Variants in LRRC4C observed in about 807,000 individuals in gnomAD.
LRRC4C encodes leucine rich repeat containing 4C, also known as leucine-rich repeat-containing protein 4C.
LRRC4C carries 5 observed loss-of-function variants against 33.6 expected under a neutral mutation model. That is an observed-to-expected ratio of 0.15 (90% CI 0.08 to 0.31). The LOEUF (loss-of-function observed/expected upper bound fraction) is 0.31. Among genes scored for constraint, LRRC4C ranks in the 10% least tolerant of loss-of-function variants. The pLI is 1.00. For synonymous variants in LRRC4C, 329 were observed against 302.0 expected, an observed-to-expected ratio of 1.09 and a Z score of -0.93; for missense variants, 560 against 796.7, an observed-to-expected ratio of 0.70 and a Z score of 3.58.
chr11:40,578,858 T>C (rs1958334673), intron 3 of LRRC4C, among the ~76,000 whole-genome samples: 1 of 152,202 alleles, frequency 6.6e-6, no homozygotes, highest in Non-Finnish European at 1.5e-5. Context: ...ATTTTTTTAT[T>C]GCAGAATTTC....
At chr11:40,425,232 T>G (rs1030948177) in intron 3 of LRRC4C, among the ~76,000 whole-genome samples, 7 of 152,154 alleles carry the variant, frequency 4.6e-5, no homozygotes, top group African/African-American at 1.7e-4. Context: ...ATTTCCCCCC[T>G]TTTTCATTAT....
intron 2 of LRRC4C, among the ~76,000 whole-genome samples, chr11:40,851,351 A>G (rs750409134): frequency 6.6e-6 from 1 of 152,080 alleles, no homozygotes; most frequent in Non-Finnish European, 1.5e-5. Flanking sequence ...ACTGTCCCTC[A>G]CAGCACAGTC....
At position 41,031,337 on chromosome 11, in the gene LRRC4C, C is replaced by G. The variant is rs185516148; in HGVS notation, c.-495-97614G>C. ...CCAATTCACTTCTGTATGACGAGCACTAGTGTAGTGCTTAATCTCTTATGG... is the reference window on the plus strand; with the variant it reads ...CCAATTCACTTCTGTATGACGAGCAGTAGTGTAGTGCTTAATCTCTTATGG... On this transcript the variant is annotated intron_variant, in intron 1 of 6. Transcript: ENST00000528697. 2.1e-3 allele frequency among the ~76,000 whole-genome samples: 323 copies of G among 152,010 alleles called. 7 individuals are homozygous for G. The highest frequency in any genetic ancestry group is 0.018 in the Admixed American group (281 of 15,234).
intron 1 of LRRC4C, among the ~76,000 whole-genome samples, chr11:41,181,557 A>G (rs778664910): frequency 6.1e-4 from 93 of 152,212 alleles, no homozygotes; most frequent in Non-Finnish European, 1.2e-3. Context: ...AATGAGTTAG[A>G]AAGAGAGACA....
intron 1 of LRRC4C, among the ~76,000 whole-genome samples, chr11:41,387,177 A>G (rs1025382788): frequency 8.7e-5 from 13 of 149,286 alleles, no homozygotes; most frequent in Admixed American, 8.2e-4. Context: ...ACTAGACATT[A>G]CTTTTTAGGC....
At chr11:41,147,714 C>T (rs1943790428) in intron 1 of LRRC4C, among the ~76,000 whole-genome samples, 1 of 152,150 alleles carries the variant, frequency 6.6e-6, no homozygotes, top group Non-Finnish European at 1.5e-5. Flanking sequence ...CAACTTCAGA[C>T]ACAACAAACA....
chr11:40,242,752 AG>A (rs1472080117), intron 4 of LRRC4C, among the ~76,000 whole-genome samples: 29 of 149,518 alleles, frequency 1.9e-4, no homozygotes, highest in Non-Finnish European at 3.1e-4. Context: ...GTCAACACAG[AG>A]GATACAAATT....
chr11:40,941,833 T>C (rs559553243), intron 1 of LRRC4C, among the ~76,000 whole-genome samples: 97 of 152,260 alleles, frequency 6.4e-4, no homozygotes, highest in Admixed American at 3.1e-3. Flanking sequence ...GTTTATAATT[T>C]AATTTAGAGA....
At chr11:40,872,177 A>G (rs546440205) in intron 2 of LRRC4C, among the ~76,000 whole-genome samples, 1 of 152,246 alleles carries the variant, frequency 6.6e-6, no homozygotes, top group Admixed American at 6.5e-5. Flanking sequence ...TGAAAGGGAC[A>G]CTGTAGATAC....
At chr11:40,409,224 T>A (rs546821583) in intron 3 of LRRC4C, among the ~76,000 whole-genome samples, 13 of 152,076 alleles carry the variant, frequency 8.5e-5, no homozygotes, top group African/African-American at 3.1e-4. Context: ...GATCTTCAGT[T>A]CACATCATTT....
chr11:41,037,925 A>C (rs1857195773), intron 1 of LRRC4C, among the ~76,000 whole-genome samples: 1 of 152,014 alleles, frequency 6.6e-6, no homozygotes, highest in Non-Finnish European at 1.5e-5. Context: ...CTCCTTTTTG[A>C]GTGGTTTTAC....
chr11:40,439,707 C>T (rs1326220576), intron 3 of LRRC4C, among the ~76,000 whole-genome samples: 2 of 152,156 alleles, frequency 1.3e-5, no homozygotes, highest in Non-Finnish European at 2.9e-5. Flanking sequence ...CTGTCTTGGC[C>T]TTCCAAAGTG....
intron 3 of LRRC4C, among the ~76,000 whole-genome samples, chr11:40,529,536 G>A (rs1437690763): frequency 6.6e-6 from 1 of 151,994 alleles, no homozygotes; most frequent in African/African-American, 2.4e-5. Flanking sequence ...AAAGGGAAAT[G>A]CCAGTAGTAT....
At chr11:40,969,462 C>CAA (rs35793654) in intron 1 of LRRC4C, among the ~76,000 whole-genome samples, 47,936 of 143,004 alleles carry the variant, frequency 0.34, 9,160 homozygotes, top group East Asian at 0.5. Flanking sequence ...TCTTACACTA[C>CAA]AAAAAAAAAA....
intron 3 of LRRC4C, among the ~76,000 whole-genome samples, chr11:40,412,728 T>C (rs1590655754): frequency 6.6e-6 from 1 of 152,096 alleles, no homozygotes; most frequent in Non-Finnish European, 1.5e-5. Flanking sequence ...AGTTAGGCTA[T>C]GAAGGCTCAA....
chr11:40,442,162 CAA>C (rs1158464665), intron 3 of LRRC4C, among the ~76,000 whole-genome samples: 9 of 56,184 alleles, frequency 1.6e-4, no homozygotes, highest in Admixed American at 2.8e-4. Context: ...GACTCCATTT[CAA>C]AAAAAAAAAA....
At chr11:40,219,372 T>A (rs917876961) in intron 5 of LRRC4C, among the ~76,000 whole-genome samples, 2 of 152,180 alleles carry the variant, frequency 1.3e-5, no homozygotes, top group African/African-American at 2.4e-5. Flanking sequence ...CTTTAATATA[T>A]CCTTCTACCA....
At chr11:41,364,592 T>C (rs980869650) in intron 1 of LRRC4C, among the ~76,000 whole-genome samples, 2 of 152,184 alleles carry the variant, frequency 1.3e-5, no homozygotes, top group African/African-American at 4.8e-5. Context: ...AGAGTATGAT[T>C]GATCGTCAAA....
intron 3 of LRRC4C, among the ~76,000 whole-genome samples, chr11:40,494,241 C>G (rs1214668988): frequency 2.6e-5 from 4 of 152,032 alleles, no homozygotes; most frequent in Non-Finnish European, 4.4e-5. Context: ...ATTGAGCGTG[C>G]CGTCTGTTTT....
Sources: allele counts gnomAD v4.1 joint callset (sites outside exome capture counted in the v4.1 genomes callset), GRCh38; gene constraint gnomAD v4.1.1; transcripts MANE v1.5; gene names NCBI Gene and HGNC (gene_info 2026-07-23, HGNC 2026-07-21).